Variants in EPB41L4B observed in about 807,000 individuals in gnomAD.
EPB41L4B encodes erythrocyte membrane protein band 4.1 like 4B.
A neutral mutation model predicts 112.5 loss-of-function variants in EPB41L4B; 30 were observed. That is an observed-to-expected ratio of 0.27 (90% CI 0.20 to 0.36). EPB41L4B has a LOEUF of 0.36. Ranked by LOEUF, EPB41L4B falls within the 10% of genes least tolerant of loss-of-function variation. The probability of loss-of-function intolerance (pLI) is 1.00; values close to 1 mark genes in which losing one functional copy is unlikely to be tolerated. For missense variants in EPB41L4B, 1,024 were observed against 1,133.3 expected, an observed-to-expected ratio of 0.90 and a Z score of 1.38; for synonymous variants, 408 against 439.7, an observed-to-expected ratio of 0.93 and a Z score of 0.90.
chr9:109,270,268 T>C (rs1311887915), intron 2 of EPB41L4B, among the ~76,000 whole-genome samples: 1 of 152,262 alleles, frequency 6.6e-6, no homozygotes, highest in Admixed American at 6.5e-5. Context: ...ATCTCATTTA[T>C]ATAAAATTAT....
rs1377939909 is a variant in EPB41L4B at position 109,277,322 on chromosome 9, A to AG, written c.411+2494_411+2495insC. 2.0e-5 allele frequency among the ~76,000 whole-genome samples: 3 copies of AG among 151,724 alleles called. No individual in the cohort carries two copies. The South Asian group carries it at 6.3e-4, about 32-fold the overall frequency. ...GATTGAGAAGTAGACATGCAAAAAA[A>AG]AAAAAAAAAAAGATGGACAGACAGA... is the stretch of plus-strand genomic sequence containing the variant. On this transcript the variant is annotated intron_variant, in intron 2 of 25. Coordinates refer to ENST00000374566, the MANE Select transcript of EPB41L4B (RefSeq NM_019114.5).
chr9:109,262,366 C>T (rs563706057), intron 6 of EPB41L4B, among the ~76,000 whole-genome samples: 1 of 152,194 alleles, frequency 6.6e-6, no homozygotes, highest in East Asian at 1.9e-4. Flanking sequence ...GCCTGAGAAT[C>T]ATCTCAAACT....
intron 15 of EPB41L4B, among the ~76,000 whole-genome samples, chr9:109,223,161 C>T (rs1350620431): frequency 2.6e-5 from 4 of 152,128 alleles, no homozygotes; most frequent in South Asian, 2.1e-4. Context: ...CATGCTAGGC[C>T]GGGCGCAATG....
chr9:109,194,307 G>C lies in EPB41L4B; in HGVS notation c.2136C>G (p.Val712=). ...TTNTTTAATQ[V]SVPLPSPKVQ... ...CCTTGGGGGACGGCAGCGGCACGGA[G>C]ACTTGTGTGGCGGCCGTTGTGGTGT... Residue 712 remains valine (V), a synonymous_variant, in exon 21 of 26, where the codon GTC becomes GTG. Coordinates refer to ENST00000374566, the MANE Select transcript of EPB41L4B (RefSeq NM_019114.5). 1 of 1,614,208 alleles carries C rather than the reference G, an allele frequency of 6.2e-7. No individual in the cohort carries two copies. Among genetic ancestry groups the C allele is most frequent in the Non-Finnish European group, 8.5e-7 (1 of 1,180,044 alleles).
At chr9:109,228,570 A>C (rs1281227585) in intron 15 of EPB41L4B, among the ~76,000 whole-genome samples, 2 of 152,162 alleles carry the variant, frequency 1.3e-5, no homozygotes, top group Non-Finnish European at 2.9e-5. Flanking sequence ...CTTGGACTTC[A>C]ATTTTCTTCT....
intron 20 of EPB41L4B, among the ~76,000 whole-genome samples, chr9:109,195,418 A>G (rs1002523758): frequency 6.6e-6 from 1 of 152,194 alleles, no homozygotes; most frequent in African/African-American, 2.4e-5. Flanking sequence ...CTGTGTATGG[A>G]GAAGCCTCAA....
chr9:109,248,672 T>A (rs1022836941), intron 13 of EPB41L4B, among the ~76,000 whole-genome samples: 2 of 152,098 alleles, frequency 1.3e-5, no homozygotes, highest in East Asian at 3.9e-4. Flanking sequence ...CCTGAACTCC[T>A]GGGCTCAAGC....
At chr9:109,217,370 G>A (rs1222625958) in intron 15 of EPB41L4B, among the ~76,000 whole-genome samples, 1 of 152,178 alleles carries the variant, frequency 6.6e-6, no homozygotes, top group African/African-American at 2.4e-5. Flanking sequence ...ACTTAAAGAA[G>A]TATTTGAAAT....
Position 109,247,796 on chromosome 9 carries a change from A to C in EPB41L4B, c.1311-7T>G. 23 of 1,493,980 alleles carry C rather than the reference A, an allele frequency of 1.5e-5. No individual in the cohort carries two copies. The highest frequency in any genetic ancestry group is 1.9e-5 in the Non-Finnish European group (21 of 1,120,768). The allele number at this position is 1,493,980 out of a possible 1,614,324, so 92.5% of individuals were successfully genotyped here. A position where few individuals can be genotyped will look rare whatever the true frequency, so the allele number is the denominator to read the frequency against. ...TTCTGGATTTGTTTTAGAGCTAAAC[A>C]AACAAACAAACAAAAAACAGAAAAA... On this transcript the variant is annotated splice_region_variant and splice_polypyrimidine_tract_variant and intron_variant, in intron 13 of 25. Transcript: ENST00000374566.
chr9:109,289,802 T>C (rs1449071730), intron 1 of EPB41L4B, among the ~76,000 whole-genome samples: 1 of 152,212 alleles, frequency 6.6e-6, no homozygotes, highest in Non-Finnish European at 1.5e-5. Flanking sequence ...ACAACCAAAA[T>C]AGTTGTAGTG....
intron 2 of EPB41L4B, among the ~76,000 whole-genome samples, chr9:109,271,022 A>G (rs1835593326): frequency 6.6e-6 from 1 of 152,234 alleles, no homozygotes. Context: ...TGATCTTGAA[A>G]CATGCACAAC....
chr9:109,175,468 A>AACACACACACACACAC lies in EPB41L4B; in HGVS notation c.2634-861_2634-846dup, dbSNP rs59210551. Among the ~76,000 whole-genome samples, 390 of 129,386 alleles carry AACACACACACACACAC rather than the reference A, an allele frequency of 3.0e-3. 2 individuals carry two copies. Among genetic ancestry groups the AACACACACACACACAC allele is most frequent in the East Asian group, 0.01 (44 of 4,326 alleles). 84.9% of individuals were successfully genotyped at this position (129,386 alleles called of 152,430 possible). On this transcript the variant is annotated intron_variant, in intron 25 of 25. Transcript: ENST00000374566. ...CTATGTAACCTGTCTCCACTGTTTA[A>AACACACACACACACAC]ACACACACACACACACACACACACA...
chr9:109,246,980 T>C (rs866176901), intron 14 of EPB41L4B, among the ~76,000 whole-genome samples: 2 of 152,088 alleles, frequency 1.3e-5, no homozygotes, highest in South Asian at 2.1e-4. Context: ...AAAAAAGATA[T>C]GAAGGGGCTG....
intron 12 of EPB41L4B, among the ~76,000 whole-genome samples, chr9:109,252,446 G>T (rs940600676): frequency 1.1e-4 from 16 of 152,148 alleles, no homozygotes; most frequent in Admixed American, 6.5e-5. Flanking sequence ...CTCTCGAAGG[G>T]CAGGACTATT....
intron 1 of EPB41L4B, among the ~76,000 whole-genome samples, chr9:109,282,118 C>T (rs758901152): frequency 2.0e-5 from 3 of 152,106 alleles, no homozygotes; most frequent in Non-Finnish European, 4.4e-5. Flanking sequence ...AAACATTATG[C>T]TAAGTGAAAA....
chr9:109,299,136 A>G (rs1454129290), intron 1 of EPB41L4B, among the ~76,000 whole-genome samples: 1 of 152,250 alleles, frequency 6.6e-6, no homozygotes, highest in Non-Finnish European at 1.5e-5. Flanking sequence ...ACACAGGTCT[A>G]GCCAACTGCC....
chr9:109,239,114 T>A (rs891941614), intron 15 of EPB41L4B, among the ~76,000 whole-genome samples: 5 of 152,006 alleles, frequency 3.3e-5, no homozygotes, highest in African/African-American at 4.8e-5. Context: ...GTCAGGGAGA[T>A]CAGGAAGGGC....
chr9:109,272,145 C>A (rs1174377662), intron 2 of EPB41L4B, among the ~76,000 whole-genome samples: 2 of 152,130 alleles, frequency 1.3e-5, no homozygotes, highest in African/African-American at 2.4e-5. Context: ...CTAGGACCTG[C>A]AAATTTTCTT....
At chr9:109,288,527 T>C (rs1836388601) in intron 1 of EPB41L4B, among the ~76,000 whole-genome samples, 1 of 151,878 alleles carries the variant, frequency 6.6e-6, no homozygotes, top group Non-Finnish European at 1.5e-5. Flanking sequence ...AAGACCATCC[T>C]GGCTAACACG....
Sources: allele counts gnomAD v4.1 joint callset (sites outside exome capture counted in the v4.1 genomes callset), GRCh38; gene constraint gnomAD v4.1.1; transcripts MANE v1.5; gene names NCBI Gene and HGNC (gene_info 2026-07-23, HGNC 2026-07-21).